UNC80: variants seen among roughly 807,000 people sequenced by gnomAD.
UNC80 encodes the protein unc-80 subunit of NALCN channel complex, also known as protein unc-80 homolog.
Under a neutral mutation model 384.6 loss-of-function variants are expected in UNC80, and 164 were observed. The ratio of observed to expected loss-of-function variants is 0.43; its 90% CI spans 0.38 to 0.49. The LOEUF (loss-of-function observed/expected upper bound fraction) is 0.49. Among genes scored for constraint, UNC80 ranks in the 20% least tolerant of loss-of-function variants. UNC80 has a pLI of 0.00. For synonymous variants in UNC80, 1,486 were observed against 1,527.8 expected (o/e 0.97, Z 0.64); for missense variants, 3,330 against 4,143.0 (o/e 0.80, Z 5.39).
rs55712736 is a variant in UNC80, at chr2:209,819,006, C to T, written c.1707C>T (p.Ile569=). ...TCATTTTATTAGTGCGATCTCAGATCTCCACCATCACAGTTGCGACCTTCA... is the reference window on the plus strand; with the variant it reads ...TCATTTTATTAGTGCGATCTCAGATTTCCACCATCACAGTTGCGACCTTCA... ...ENTVKEVRSQ[I]STITVATFNT... is the part of the protein sequence containing the mutation. The change falls in exon 12 of 65, where the codon ATC becomes ATT. Residue 569 remains isoleucine, a synonymous_variant. Coordinates refer to ENST00000673920, the MANE Select transcript of UNC80 (RefSeq NM_001371986.1). The T allele has an allele frequency of 2.0e-4, 312 of 1,551,490 alleles. No individual in the cohort carries two copies. The African/African-American group carries it at 3.7e-3, about 18-fold the overall frequency.
chr2:209,896,298 AT>A lies in UNC80; in HGVS notation c.4481-10del, dbSNP rs1559284549. 1 of 1,550,270 alleles carries A rather than the reference AT, an allele frequency of 6.5e-7. No homozygotes were observed. Reference sequence around the variant, plus strand: ...ACCGAACACTGAAACCTTTCTTGGTATTTTTCTTTTGAAGAAGGGAGTCCTT... The same window carrying A: ...ACCGAACACTGAAACCTTTCTTGGTATTTTCTTTTGAAGAAGGGAGTCCTT... On this transcript the variant is annotated splice_polypyrimidine_tract_variant and intron_variant, in intron 27 of 64. Coordinates refer to ENST00000673920, the MANE Select transcript of UNC80 (RefSeq NM_001371986.1).
chr2:209,876,614 TTTAGTTTG>T (rs1306516817), intron 23 of UNC80, among the ~76,000 whole-genome samples: 5 of 152,186 alleles, frequency 3.3e-5, no homozygotes, highest in Non-Finnish European at 7.4e-5. Context: ...AGTCTCACTA[TTTAGTTTG>T]TTGGCTCCAT....
intron 22 of UNC80, among the ~76,000 whole-genome samples, chr2:209,862,414 C>T (rs2083407802): frequency 6.6e-6 from 1 of 152,144 alleles, no homozygotes; most frequent in African/African-American, 2.4e-5. Flanking sequence ...CTAATATTGA[C>T]AGTGGGGTGT....
chr2:209,953,612 T>A (rs1253172349), intron 47 of UNC80, among the ~76,000 whole-genome samples: 2 of 152,062 alleles, frequency 1.3e-5, no homozygotes, highest in Admixed American at 6.6e-5. Context: ...TAAGCAGGCA[T>A]TGTCAGACTT....
At chr2:209,886,908 G>A (rs1277934191) in intron 25 of UNC80, among the ~76,000 whole-genome samples, 1 of 152,168 alleles carries the variant, frequency 6.6e-6, no homozygotes, top group East Asian at 1.9e-4. Context: ...CTAAAATCAA[G>A]GCATTGGCAA....
intron 16 of UNC80, 72 bp downstream of exon 16, chr2:209,831,663 C>CATG: frequency 7.3e-7 from 1 of 1,364,848 alleles, no homozygotes; most frequent in South Asian, 1.8e-5. Flanking sequence ...TTGTCGTGGC[C>CATG]ATGAGTAAGA....
chr2:209,939,832 C>A (rs1221127760), intron 43 of UNC80, among the ~76,000 whole-genome samples, 180 bp downstream of exon 43: 1 of 152,124 alleles, frequency 6.6e-6, no homozygotes, highest in Non-Finnish European at 1.5e-5. Flanking sequence ...CGTCATTTAG[C>A]ATTAGGTATA....
chr2:209,795,463 G>C (rs1331953098), intron 7 of UNC80: 1 of 152,246 alleles, frequency 6.6e-6, no homozygotes, highest in Non-Finnish European at 1.5e-5. Flanking sequence ...ATTTGCATAA[G>C]TAAGGAGCAA....
chr2:209,901,846 A>G (rs939391540), intron 28 of UNC80, among the ~76,000 whole-genome samples: 3 of 151,888 alleles, frequency 2.0e-5, no homozygotes, highest in South Asian at 2.1e-4. Flanking sequence ...GGAGAATGGC[A>G]TGAACCCGGG....
chr2:209,809,589 G>A, intron 7 of UNC80: 1 of 778,414 alleles, frequency 1.3e-6, no homozygotes, highest in Admixed American at 2.2e-5. Context: ...GACCCTAGAG[G>A]CTCCCTCTTC....
rs780199084 is a variant in UNC80 at position 209,943,458 on chromosome 2, C to T, written c.6994C>T (p.Arg2332Trp). Residue 2332 changes from arginine (R) to tryptophan (W), a missense_variant, in exon 45 of 65, where the codon CGG (arginine) becomes TGG (tryptophan). Physicochemically the swap from Arg to Trp is moderately radical, Grantham distance 101. Coordinates refer to ENST00000673920, the MANE Select transcript of UNC80 (RefSeq NM_001371986.1). ...CTGTCACCAGTTCTATATTCTACAC[C>T]GGAAGCCCTTTGTGCTCCAGCTGTT... ...FACHQFYILH[R>W]KPFVLQLFAS... 8 of 1,551,908 alleles carry T rather than the reference C, an allele frequency of 5.2e-6. No individual in the cohort carries two copies. The highest frequency in any genetic ancestry group is 1.2e-5 in the South Asian group (1 of 84,058).
chr2:209,861,538 G>A (rs577846557), intron 22 of UNC80, among the ~76,000 whole-genome samples: 1 of 152,292 alleles, frequency 6.6e-6, no homozygotes, highest in Non-Finnish European at 1.5e-5. Context: ...TCAGGATGAT[G>A]CTGGCTTTAT....
chr2:209,913,366 G>A (rs1215477122), intron 30 of UNC80, among the ~76,000 whole-genome samples: 2 of 152,132 alleles, frequency 1.3e-5, no homozygotes, highest in Non-Finnish European at 1.5e-5. Context: ...ATTTCAAAGG[G>A]AAATGCCATG....
intron 62 of UNC80, among the ~76,000 whole-genome samples, 194 bp from the exon 63 acceptor site, chr2:209,993,121 T>G (rs770038770): frequency 6.6e-6 from 1 of 152,218 alleles, no homozygotes; most frequent in Non-Finnish European, 1.5e-5. Flanking sequence ...TATAAAGGAC[T>G]AATAATTGGG....
intron 7 of UNC80, among the ~76,000 whole-genome samples, chr2:209,804,666 A>T (rs752664883): frequency 6.6e-6 from 1 of 151,654 alleles, no homozygotes; most frequent in Non-Finnish European, 1.5e-5. Context: ...AGTGCCCTTA[A>T]GTTTCTTAGA....
rs2084409939 is a variant in UNC80 at position 209,872,754 on chromosome 2, A to C, written c.3628-4A>C. On this transcript the variant is annotated splice_polypyrimidine_tract_variant and splice_region_variant and intron_variant, in intron 22 of 64. Transcript: ENST00000673920. The surrounding 1 kb of genome is among the most constrained non-coding windows in gnomAD (Gnocchi z 4.1). ...ATTATTCTTTCCTAAACAACCCTACACAGGAAGCCCCTGTGGTGGCCAGAG... is the reference window on the plus strand; with the variant it reads ...ATTATTCTTTCCTAAACAACCCTACCCAGGAAGCCCCTGTGGTGGCCAGAG... 5 of 1,551,252 alleles carry C rather than the reference A, an allele frequency of 3.2e-6. No homozygotes were observed. The highest frequency in any genetic ancestry group is 4.4e-6 in the Non-Finnish European group (5 of 1,146,658).
chr2:209,837,051 A>C (rs1437910965), intron 18 of UNC80, among the ~76,000 whole-genome samples: 2 of 152,202 alleles, frequency 1.3e-5, no homozygotes, highest in Non-Finnish European at 2.9e-5. Context: ...TGAGAAATCA[A>C]ATTTTAGAAA....
chr2:209,826,009 G>A lies in UNC80; in HGVS notation c.2434G>A (p.Gly812Arg), dbSNP rs1372376639. 1.3e-6 allele frequency: 2 copies of A among 1,550,556 alleles called. No homozygotes were observed. Among genetic ancestry groups the A allele is most frequent in the South Asian group, 2.4e-5 (2 of 83,894 alleles). ...CAYGCGEGHR[G>R]LSGDRLRHQV... is the part of the protein sequence containing the mutation. ...CTATGGTTGTGGTGAAGGACACCGA[G>A]GGCTCTCTGGAGATCGTCTGAGACA... The change falls in exon 14 of 65, where the codon GGG becomes AGG. Residue 812 changes from glycine to arginine, a missense_variant. Gly to Arg is a moderately radical substitution (Grantham distance 125). Around this residue, in one of 8 missense-constraint regions of UNC80, gnomAD observed 937 missense variants for 1,026.8 expected, o/e 0.91. Coordinates refer to ENST00000673920, the MANE Select transcript of UNC80 (RefSeq NM_001371986.1).
At position 209,912,652 on chromosome 2, in the gene UNC80, G is replaced by A; in HGVS notation, c.4875G>A (p.Lys1625=). ...LEGKKDSGML[K]YIRLQVMSLS... is the part of the protein sequence containing the mutation. ...GAAAAAAAGATTCCGGAATGCTGAA[G>A]TACATCAGACTTCAGGTATTGTTAC... Residue 1625 remains lysine, a synonymous_variant, in exon 30 of 65, where the codon AAG becomes AAA. Transcript: ENST00000673920. 2 of 1,550,898 alleles carry A rather than the reference G, an allele frequency of 1.3e-6. No homozygotes were observed. Among genetic ancestry groups the A allele is most frequent in the Non-Finnish European group, 1.7e-6 (2 of 1,146,438 alleles).
Sources: allele counts gnomAD v4.1 joint callset (sites outside exome capture counted in the v4.1 genomes callset), GRCh38; gene constraint gnomAD v4.1.1; regional missense constraint gnomAD v4.1.1; non-coding constraint Gnocchi (gnomAD v3.1); transcripts MANE v1.5; gene names NCBI Gene and HGNC (gene_info 2026-07-23, HGNC 2026-07-21).